SNRPN: variants seen among roughly 807,000 people sequenced by gnomAD.
SNRPN encodes the protein small nuclear ribonucleoprotein polypeptide N.
In SNRPN, 7 loss-of-function variants were observed where a neutral mutation model predicts 25.2. The ratio of observed to expected loss-of-function variants is 0.28; its 90% CI spans 0.16 to 0.52. SNRPN has a LOEUF of 0.52. SNRPN is among the 20% of genes least tolerant of loss of function. The probability of loss-of-function intolerance (pLI) is 0.96; values close to 1 mark genes in which losing one functional copy is unlikely to be tolerated. For synonymous variants in SNRPN, 124 were observed against 110.6 expected (o/e 1.12, Z -0.76); for missense variants, 196 against 322.5 (o/e 0.61, Z 3.00).
chr15:24,939,729 G>C (rs11631115), intron 3 of SNRPN, among the ~76,000 whole-genome samples: 1 of 148,248 alleles, frequency 6.7e-6, no homozygotes, highest in Non-Finnish European at 1.5e-5. Flanking sequence ...CGCTGCACCT[G>C]GCTTGGCCCA....
chr15:24,953,288 A>G (rs966695121), upstream of SNRPN, among the ~76,000 whole-genome samples: 2 of 152,056 alleles, frequency 1.3e-5, no homozygotes, highest in East Asian at 1.9e-4. Flanking sequence ...TTCTTTCATA[A>G]TTTTTTCAGT....
intron 1 of SNRPN, among the ~76,000 whole-genome samples, chr15:24,874,468 T>C (rs776294086): frequency 6.6e-6 from 1 of 152,094 alleles, no homozygotes; most frequent in African/African-American, 2.4e-5. Context: ...AAACTGTCTA[T>C]CCACCGTGGG....
At chr15:24,950,978 A>G (rs1221362524), upstream of SNRPN, among the ~76,000 whole-genome samples, 1 of 151,404 alleles carries the variant, frequency 6.6e-6, no homozygotes, top group African/African-American at 2.4e-5. Context: ...CTTTAGTCTC[A>G]GTCCCAAGCA....
intron 1 of SNRPN, among the ~76,000 whole-genome samples, chr15:24,864,647 G>GT (rs35131413): frequency 0.3 from 45,595 of 150,552 alleles, 7,558 homozygotes; most frequent in African/African-American, 0.42. Context: ...CCTGGCCAAT[G>GT]TTTTTTTTTG....
chr15:24,962,092 A>T (rs1420510236), intron 1 of SNRPN, 22 bp from the exon 2 acceptor site: 2 of 1,600,660 alleles, frequency 1.2e-6, no homozygotes, highest in African/African-American at 1.3e-5. Flanking sequence ...TACCAAACAA[A>T]TGCCTCTCTT....
chr15:24,887,688 T>C (rs1019828632), intron 2 of SNRPN, among the ~76,000 whole-genome samples: 2 of 152,138 alleles, frequency 1.3e-5, no homozygotes, highest in Non-Finnish European at 2.9e-5. Flanking sequence ...TAGCTGCCTT[T>C]GGGGGCTGAG....
At chr15:24,833,543 T>C (rs74005363) in intron 2 of SNRPN, among the ~76,000 whole-genome samples, 5,773 of 152,150 alleles carry the variant, frequency 0.038, 364 homozygotes, top group African/African-American at 0.12. Flanking sequence ...AAAAGGTATG[T>C]AAAATTTTAT....
At chr15:24,836,693 G>A (rs977003097) in intron 2 of SNRPN, among the ~76,000 whole-genome samples, 39 of 152,188 alleles carry the variant, frequency 2.6e-4, no homozygotes, top group African/African-American at 8.0e-4. Flanking sequence ...GATTATAGGC[G>A]TGATCCACCA....
chr15:24,874,773 T>C (rs960542138), intron 1 of SNRPN, among the ~76,000 whole-genome samples: 1 of 152,196 alleles, frequency 6.6e-6, no homozygotes, highest in Non-Finnish European at 1.5e-5. Context: ...AGAAATGTGA[T>C]GTCACCAAAG....
At chr15:24,883,114 G>A (rs1386423788) in intron 1 of SNRPN, among the ~76,000 whole-genome samples, 1 of 152,192 alleles carries the variant, frequency 6.6e-6, no homozygotes, top group Non-Finnish European at 1.5e-5. Context: ...TTGAAAAATT[G>A]TAAGTTGAAC....
intron 2 of SNRPN, among the ~76,000 whole-genome samples, chr15:24,834,437 T>C (rs545691564): frequency 6.6e-6 from 1 of 152,196 alleles, no homozygotes; most frequent in East Asian, 1.9e-4. Context: ...GTATGAAGAA[T>C]GGAGCTTACA....
chr15:24,826,684 C>G (rs1200785402), intron 1 of SNRPN, among the ~76,000 whole-genome samples: 1 of 151,996 alleles, frequency 6.6e-6, no homozygotes, highest in Non-Finnish European at 1.5e-5. Flanking sequence ...GAGGGAAGGT[C>G]AGAGTTAGTC....
At chr15:24,846,831 C>G (rs1487690239) in intron 2 of SNRPN, among the ~76,000 whole-genome samples, 2 of 152,062 alleles carry the variant, frequency 1.3e-5, no homozygotes, top group African/African-American at 2.4e-5. Context: ...TTCTATTCAG[C>G]TACTATGGGG....
chr15:24,845,271 C>T (rs2052085810), intron 2 of SNRPN, among the ~76,000 whole-genome samples: 1 of 152,134 alleles, frequency 6.6e-6, no homozygotes, highest in Non-Finnish European at 1.5e-5. Flanking sequence ...TACACCAATA[C>T]CACACTATCT....
intron 3 of SNRPN, among the ~76,000 whole-genome samples, chr15:24,972,614 G>A (rs377740870): frequency 1.4e-5 from 2 of 144,978 alleles, no homozygotes; most frequent in South Asian, 2.2e-4. Context: ...TGCGATCTCC[G>A]CTCAAAAAGA....
upstream of SNRPN, chr15:24,954,967 G>C: frequency 2.5e-6 from 4 of 1,592,836 alleles, no homozygotes; most frequent in Non-Finnish European, 3.4e-6. Context: ...GAAGCCTGCC[G>C]CTGCTGCAGC....
At chr15:24,826,284 T>C (rs1371100076) in intron 1 of SNRPN, among the ~76,000 whole-genome samples, 2 of 152,088 alleles carry the variant, frequency 1.3e-5, no homozygotes, top group Non-Finnish European at 2.9e-5. Context: ...GGCAAACCTG[T>C]TCTTTCAGAC....
intron 1 of SNRPN, among the ~76,000 whole-genome samples, chr15:24,862,911 A>G (rs1468228962): frequency 2.0e-5 from 3 of 150,782 alleles, no homozygotes; most frequent in Non-Finnish European, 2.9e-5. Flanking sequence ...GATGAATAAT[A>G]TATGAGGAGG....
At chr15:24,886,822 C>A (rs1192918040) in intron 2 of SNRPN, among the ~76,000 whole-genome samples, 2 of 152,156 alleles carry the variant, frequency 1.3e-5, no homozygotes, top group Non-Finnish European at 2.9e-5. Flanking sequence ...TTAGTTATTT[C>A]TCAGATGCAT....
Sources: allele counts gnomAD v4.1 joint callset (sites outside exome capture counted in the v4.1 genomes callset), GRCh38; gene constraint gnomAD v4.1.1; transcripts MANE v1.5; gene names NCBI Gene and HGNC (gene_info 2026-07-23, HGNC 2026-07-21).